Variants in CDKL4 observed in about 807,000 individuals in gnomAD.
CDKL4 encodes cyclin-dependent kinase-like 4.
In CDKL4, 44 loss-of-function variants were observed where a neutral mutation model predicts 42.0. That is an observed-to-expected ratio of 1.05 (90% CI 0.82 to 1.35). The LOEUF (loss-of-function observed/expected upper bound fraction) is 1.35, where lower values mean the gene tolerates loss of function less well. Among genes scored for constraint, CDKL4 ranks in the 40% most tolerant of loss-of-function variants. CDKL4 has a pLI of 0.00. For missense variants in CDKL4, 393 were observed against 369.9 expected, an observed-to-expected ratio of 1.06 and a Z score of -0.51; for synonymous variants, 120 against 121.6, an observed-to-expected ratio of 0.99 and a Z score of 0.09.
chr2:39,179,880 A>G (rs1442493436), intron 8 of CDKL4, among the ~76,000 whole-genome samples: 3 of 152,208 alleles, frequency 2.0e-5, no homozygotes, highest in African/African-American at 7.2e-5. Flanking sequence ...AAAATTGACT[A>G]TATATTCATA....
intron 5 of CDKL4, among the ~76,000 whole-genome samples, chr2:39,200,019 A>T (rs1010975883): frequency 2.0e-5 from 3 of 152,178 alleles, no homozygotes; most frequent in African/African-American, 7.2e-5. Flanking sequence ...AATAAAGGGC[A>T]TCTAAATTGG....
At chr2:39,244,098 G>T (rs1452623679), upstream of CDKL4, among the ~76,000 whole-genome samples, 2 of 152,238 alleles carry the variant, frequency 1.3e-5, no homozygotes, top group South Asian at 2.1e-4. Context: ...CCTTCTGAGA[G>T]GTGACAGCGT....
intron 1 of CDKL4, among the ~76,000 whole-genome samples, chr2:39,235,427 G>A (rs1202329028): frequency 2.0e-5 from 3 of 152,134 alleles, no homozygotes; most frequent in South Asian, 4.1e-4. Flanking sequence ...AGAATGAAGA[G>A]GGAAAGAAAG....
At chr2:39,232,959 T>A (rs571263118) in intron 1 of CDKL4, among the ~76,000 whole-genome samples, 1 of 146,190 alleles carries the variant, frequency 6.8e-6, no homozygotes, top group East Asian at 2.0e-4. Flanking sequence ...ACAAGAGAAT[T>A]GCTTGAACCC....
chr2:39,178,729 A>G, intron 9 of CDKL4: 1 of 1,607,850 alleles, frequency 6.2e-7, no homozygotes, highest in Non-Finnish European at 8.5e-7. Flanking sequence ...GTTTTGAGAA[A>G]AAGCCTAGGA....
At chr2:39,190,526 G>C in intron 5 of CDKL4, 24 bp from the exon 6 acceptor site, 1 of 1,609,078 alleles carries the variant, frequency 6.2e-7, no homozygotes, top group Non-Finnish European at 8.5e-7. Context: ...AATCAGATCA[G>C]GTAAGTCAAT....
chr2:39,176,003 T>C (rs1180278794), exon 10 of CDKL4: 1 of 470,600 alleles, frequency 2.1e-6, no homozygotes, highest in Non-Finnish European at 4.4e-6. Context: ...TCCTAAATGT[T>C]TGGAAGGTGA....
rs148944461 is a variant in CDKL4, at chr2:39,179,075, A to C, written c.927+112T>G. 4.2e-4 allele frequency: 641 copies of C among 1,522,312 alleles called. 4 individuals are homozygous for C. The African/African-American group carries it at 7.7e-3, about 18-fold the overall frequency. The allele number at this position is 1,522,312 out of a possible 1,614,324, so 94.3% of individuals were successfully genotyped here. On this transcript the variant is annotated intron_variant, in intron 9 of 9. Transcript: ENST00000451199. ...TATTAAGCTAGACAAATACAACTAC[A>C]CCAGTACAAATGAAAGGTCTTGGTG...
In CDKL4 at chr2:39,226,456, T is replaced by A. The variant is rs931176821; in HGVS notation, c.169-496A>T. Among the ~76,000 whole-genome samples, 42 of 137,428 alleles carry A rather than the reference T, an allele frequency of 3.1e-4. 1 individual carries two copies. Among genetic ancestry groups the A allele is most frequent in the African/African-American group, 1.2e-3 (41 of 35,594 alleles). 90.2% of individuals were successfully genotyped at this position (137,428 alleles called of 152,430 possible). On this transcript the variant is annotated intron_variant, in intron 2 of 9. Transcript: ENST00000451199. ...ATAAATTATATATATTATATATATA[T>A]TATATATATTATATATATATAATAT...
intron 9 of CDKL4, chr2:39,178,485 A>T: frequency 3.7e-6 from 5 of 1,341,058 alleles, no homozygotes; most frequent in Non-Finnish European, 5.2e-6. Flanking sequence ...ATACTGTTTT[A>T]GGTGCCGGGT....
intron 8 of CDKL4, among the ~76,000 whole-genome samples, chr2:39,183,680 A>G (rs988862128): frequency 7.2e-5 from 11 of 152,184 alleles, no homozygotes; most frequent in African/African-American, 2.4e-4. Flanking sequence ...GTCAAGAACA[A>G]GGTCAGGGAA....
chr2:39,170,416 A>G, the CDKL4 span, among the ~76,000 whole-genome samples: 7 of 152,000 alleles, frequency 4.6e-5, no homozygotes, highest in Admixed American at 1.3e-4. Context: ...CTTTGTGATG[A>G]AGCTAACACT....
At chr2:39,199,346 T>A (rs1558558599) in intron 5 of CDKL4, among the ~76,000 whole-genome samples, 1 of 151,854 alleles carries the variant, frequency 6.6e-6, no homozygotes, top group Non-Finnish European at 1.5e-5. Context: ...AAATGATAAT[T>A]AAAAAGTTAC....
chr2:39,193,267 T>C (rs1676301483), intron 5 of CDKL4, among the ~76,000 whole-genome samples: 2 of 148,848 alleles, frequency 1.3e-5, no homozygotes, highest in Non-Finnish European at 3.0e-5. Flanking sequence ...AATCTCTCTC[T>C]GTTAAAAAAA....
intron 9 of CDKL4, among the ~76,000 whole-genome samples, chr2:39,178,030 C>T (rs1675242472): frequency 6.6e-6 from 1 of 152,218 alleles, no homozygotes; most frequent in South Asian, 2.1e-4. Context: ...ACACAATTCA[C>T]ACTGTCTTTC....
At chr2:39,189,926 G>C (rs1676075112) in intron 6 of CDKL4, among the ~76,000 whole-genome samples, 1 of 152,186 alleles carries the variant, frequency 6.6e-6, no homozygotes, top group South Asian at 2.1e-4. Context: ...CTGCTCTAGA[G>C]TAAAGGGGGG....
At chr2:39,169,561 C>T in the CDKL4 span, among the ~76,000 whole-genome samples, 1 of 152,168 alleles carries the variant, frequency 6.6e-6, no homozygotes, top group South Asian at 2.1e-4. Context: ...AGGATACAAA[C>T]ACTGTGTGCC....
intron 5 of CDKL4, 53 bp downstream of exon 5, chr2:39,204,474 T>G (rs1404373428): frequency 1.0e-6 from 1 of 993,602 alleles, no homozygotes; most frequent in African/African-American, 1.6e-5. Flanking sequence ...ATTTAAACTA[T>G]GTCATTTTAT....
At chr2:39,173,870 T>C (rs1675067614), downstream of CDKL4, among the ~76,000 whole-genome samples, 1 of 145,910 alleles carries the variant, frequency 6.9e-6, no homozygotes, top group South Asian at 2.2e-4. Context: ...GTAGTCCCAA[T>C]TACTTGAGAG....
Sources: allele counts gnomAD v4.1 joint callset (sites outside exome capture counted in the v4.1 genomes callset), GRCh38; gene constraint gnomAD v4.1.1; transcripts MANE v1.5; gene names NCBI Gene and HGNC (gene_info 2026-07-23, HGNC 2026-07-21).